The following ITGA2 variants were observed in gnomAD, a reference collection of about 807,000 sequenced individuals.
ITGA2 encodes integrin subunit alpha 2.
In ITGA2, 101 loss-of-function variants were observed where a neutral mutation model predicts 146.3. The ratio of observed to expected loss-of-function variants is 0.69; its 90% CI spans 0.59 to 0.81. The LOEUF is 0.81. Ranked by LOEUF, ITGA2 falls within the 40% of genes least tolerant of loss-of-function variation. The pLI is 0.00. For synonymous variants in ITGA2, 477 were observed against 487.1 expected (o/e 0.98, Z 0.27); for missense variants, 1,281 against 1,402.7 (o/e 0.91, Z 1.39).
At chr5:53,050,579 A>C (rs1172315116) in intron 6 of ITGA2, among the ~76,000 whole-genome samples, 1 of 152,102 alleles carries the variant, frequency 6.6e-6, no homozygotes, top group African/African-American at 2.4e-5. Flanking sequence ...ACCTCCTTAC[A>C]TACTGACCTG....
At chr5:53,030,325 C>T (rs1743165617) in intron 2 of ITGA2, among the ~76,000 whole-genome samples, 1 of 152,220 alleles carries the variant, frequency 6.6e-6, no homozygotes, top group African/African-American at 2.4e-5. Context: ...CATGACATCC[C>T]TGAATGATGT....
At position 53,094,139 on chromosome 5, in the gene ITGA2, T is replaced by C. The variant is rs1686584245; in HGVS notation, c.*3540T>C. 1 of 152,266 alleles carries C rather than the reference T, an allele frequency of 6.6e-6. No homozygotes were observed. The highest frequency in any genetic ancestry group is 6.5e-5 in the Admixed American group (1 of 15,270). 9.4% of individuals were successfully genotyped at this position (152,266 alleles called of 1,614,324 possible). A position where few individuals can be genotyped will look rare whatever the true frequency, so the allele number is the denominator to read the frequency against. On this transcript the variant is annotated 3_prime_UTR_variant, in exon 30 of 30. Transcript: ENST00000296585. ...AGACATCATCATACAGAAGGCAGGA[T>C]TCCTTAAACTGAGATCCCTGATCCA... is the stretch of plus-strand genomic sequence containing the variant.
intron 12 of ITGA2, 152 bp downstream of exon 12, chr5:53,061,198 A>G (rs1235815560): frequency 2.5e-6 from 2 of 785,248 alleles, no homozygotes; most frequent in East Asian, 5.2e-5. Flanking sequence ...TCCTTAAATC[A>G]TCACAACAAT....
chr5:53,053,969 C>T (rs1744510401), intron 7 of ITGA2, among the ~76,000 whole-genome samples: 1 of 152,066 alleles, frequency 6.6e-6, no homozygotes. Context: ...ATGAAATTTA[C>T]AGTGTATCAT....
intron 1 of ITGA2, among the ~76,000 whole-genome samples, chr5:52,994,607 G>A (rs1466922737): frequency 6.6e-6 from 1 of 152,186 alleles, no homozygotes; most frequent in African/African-American, 2.4e-5. Flanking sequence ...ATGTCAACTA[G>A]CTTAAGGATA....
intron 1 of ITGA2, among the ~76,000 whole-genome samples, chr5:52,990,596 A>T (rs557523735): frequency 6.7e-6 from 1 of 150,038 alleles, no homozygotes; most frequent in East Asian, 1.9e-4. Context: ...TACAAAGAAG[A>T]TAAATATTTC....
At position 53,090,789 on chromosome 5, in the gene ITGA2, G is replaced by GCAGGCCCGGGCCC; in HGVS notation, c.*194_*195insCCCGGGCCCCAGG. 2.6e-6 allele frequency: 1 copy of GCAGGCCCGGGCCC among 378,944 alleles called. No individual in the cohort carries two copies. The highest frequency in any genetic ancestry group is 5.0e-6 in the Non-Finnish European group (1 of 201,144). 23.5% of individuals were successfully genotyped at this position (378,944 alleles called of 1,614,324 possible). A position where few individuals can be genotyped will look rare whatever the true frequency, so the allele number is the denominator to read the frequency against. On this transcript the variant is annotated 3_prime_UTR_variant, in exon 30 of 30. Transcript: ENST00000296585. ...GTGGGGGGTGGGGGAGGTGCGGGGG[G>GCAGGCCCGGGCCC]CAGGTAGGGAAATAATAGGGAAAAT...
rs529890547 is a variant in ITGA2, at chr5:53,069,663, G to T, written c.2084-446G>T. Among the ~76,000 whole-genome samples, 70 of 152,014 alleles carry T rather than the reference G, an allele frequency of 4.6e-4. No individual in the cohort carries two copies. In the South Asian group the frequency reaches 0.014, roughly 30 times the overall value. On this transcript the variant is annotated intron_variant, in intron 16 of 29. Coordinates refer to ENST00000296585, the MANE Select transcript of ITGA2 (RefSeq NM_002203.4). Reference sequence around the variant, plus strand: ...TTCTAGTACATTATTTGAAAAATAAGATAATAAAATTCACTTTCCAGATTC... The same window carrying T: ...TTCTAGTACATTATTTGAAAAATAATATAATAAAATTCACTTTCCAGATTC...
intron 1 of ITGA2, among the ~76,000 whole-genome samples, chr5:53,018,906 A>G (rs993283133): frequency 6.6e-6 from 1 of 152,066 alleles, no homozygotes; most frequent in Non-Finnish European, 1.5e-5. Context: ...TCTACTAAAA[A>G]TACAAAAATT....
intron 12 of ITGA2, 84 bp downstream of exon 12, chr5:53,061,130 A>T: frequency 7.4e-7 from 1 of 1,343,620 alleles, no homozygotes; most frequent in South Asian, 1.2e-5. Context: ...ATGGAAAACA[A>T]CATGGCCTGA....
At chr5:53,043,745 G>T (rs1025345845) in intron 3 of ITGA2, among the ~76,000 whole-genome samples, 1 of 152,126 alleles carries the variant, frequency 6.6e-6, no homozygotes, top group Non-Finnish European at 1.5e-5. Context: ...ATTTGTCCAG[G>T]ATAGAGTTAA....
At chr5:53,015,874 A>C (rs1474007834) in intron 1 of ITGA2, among the ~76,000 whole-genome samples, 1 of 152,116 alleles carries the variant, frequency 6.6e-6, no homozygotes, top group African/African-American at 2.4e-5. Flanking sequence ...TTGTTGGTTT[A>C]AAGTCAATTT....
chr5:53,048,477 C>A lies in ITGA2; in HGVS notation c.502C>A (p.Pro168Thr). 2.5e-6 allele frequency: 4 copies of A among 1,613,454 alleles called. No individual in the cohort carries two copies. The highest frequency in any genetic ancestry group is 2.2e-5 in the East Asian group (1 of 44,866). ...LSASFSPATQ[P>T]CPSLIDVVVV... ...AGCCAGCTTCTCACCTGCAACTCAG[C>A]GTAAGTTATTAATGTGCAGATGGTC... The change falls in exon 5 of 30, where the codon CCC becomes ACC. Residue 168 changes from proline (P) to threonine (T), a missense_variant and splice_region_variant. Coordinates refer to ENST00000296585, the MANE Select transcript of ITGA2 (RefSeq NM_002203.4).
intron 16 of ITGA2, among the ~76,000 whole-genome samples, chr5:53,067,488 T>C (rs1745200902): frequency 6.6e-6 from 1 of 151,874 alleles, no homozygotes; most frequent in African/African-American, 2.4e-5. Flanking sequence ...GTAATCTCTA[T>C]GACATAACCA....
intron 2 of ITGA2, among the ~76,000 whole-genome samples, chr5:53,040,599 A>G (rs965862809): frequency 4.6e-5 from 7 of 152,200 alleles, no homozygotes; most frequent in African/African-American, 1.7e-4. Context: ...CTATGGTAAT[A>G]TTTTAAAAGG....
chr5:53,009,772 G>A (rs771179324), intron 1 of ITGA2, among the ~76,000 whole-genome samples: 11 of 152,066 alleles, frequency 7.2e-5, no homozygotes, highest in Non-Finnish European at 1.3e-4. Flanking sequence ...TTGAGTCTTT[G>A]GAACATAATT....
chr5:53,078,541 C>T (rs1444312406), intron 23 of ITGA2, among the ~76,000 whole-genome samples: 1 of 152,074 alleles, frequency 6.6e-6, no homozygotes, highest in African/African-American at 2.4e-5. Flanking sequence ...TGCACAAACT[C>T]TTAGCAGAAA....
At chr5:53,032,205 T>C (rs1743258381) in intron 2 of ITGA2, among the ~76,000 whole-genome samples, 1 of 152,104 alleles carries the variant, frequency 6.6e-6, no homozygotes, top group East Asian at 1.9e-4. Context: ...GAGCTTATAG[T>C]TTTAACTTTT....
chr5:53,044,739 A>G (rs754030729), intron 3 of ITGA2, among the ~76,000 whole-genome samples: 1 of 152,188 alleles, frequency 6.6e-6, no homozygotes, highest in Non-Finnish European at 1.5e-5. Context: ...AAAAAAAATC[A>G]TAATTAAACA....
Sources: allele counts gnomAD v4.1 joint callset (sites outside exome capture counted in the v4.1 genomes callset), GRCh38; gene constraint gnomAD v4.1.1; transcripts MANE v1.5; gene names NCBI Gene and HGNC (gene_info 2026-07-23, HGNC 2026-07-21).